MDN1: variants seen among roughly 807,000 people sequenced by gnomAD.
MDN1 encodes the protein midasin AAA ATPase 1.
Under a neutral mutation model 669.2 loss-of-function variants are expected in MDN1, and 266 were observed. That is an observed-to-expected ratio of 0.40 (90% confidence interval 0.36 to 0.44). The LOEUF is 0.44. MDN1 is among the 20% of genes least tolerant of loss of function. The pLI is 1.00. For missense variants in MDN1, 5,940 were observed against 6,754.0 expected, an observed-to-expected ratio of 0.88 and a Z score of 4.22; for synonymous variants, 2,385 against 2,457.1, an observed-to-expected ratio of 0.97 and a Z score of 0.87.
chr6:89,644,389 C>T (rs1333367340), intron 101 of MDN1, among the ~76,000 whole-genome samples, 196 bp from the exon 102 acceptor site: 1 of 152,084 alleles, frequency 6.6e-6, no homozygotes, highest in Non-Finnish European at 1.5e-5. Flanking sequence ...TCTGAGTGCC[C>T]CTTCCAGGAG....
Position 89,674,462 on chromosome 6 carries a change from A to C in MDN1, c.12889T>G (p.Cys4297Gly). Residue 4297 changes from cysteine to glycine, a missense_variant, in exon 79 of 102, where the codon TGC (cysteine) becomes GGC (glycine). Physicochemically the swap from Cys to Gly is radical, Grantham distance 159. Coordinates refer to ENST00000369393, the MANE Select transcript of MDN1 (RefSeq NM_014611.3). ...GAGAGCTGCTCAAGCAGGATCTGGC[A>C]CTGCATGGCCAGGTGCTGCAGGCGC... ...TERLQHLAMQCQILLEQLSWL... is the reference protein window; with the variant it reads ...TERLQHLAMQGQILLEQLSWL... 1 of 1,613,866 alleles carries C rather than the reference A, an allele frequency of 6.2e-7. No individual in the cohort carries two copies. The highest frequency in any genetic ancestry group is 1.7e-5 in the Admixed American group (1 of 60,008).
At chr6:89,793,995 GA>G (rs758448995) in intron 4 of MDN1, 41 bp from the exon 5 acceptor site, 4 of 1,531,668 alleles carry the variant, frequency 2.6e-6, no homozygotes, top group Non-Finnish European at 3.6e-6. Flanking sequence ...TTACCACTCA[GA>G]AATGCTATCG....
At chr6:89,658,122 A>G in intron 90 of MDN1, 87 bp downstream of exon 90, 1 of 1,510,668 alleles carries the variant, frequency 6.6e-7, no homozygotes, top group Non-Finnish European at 9.0e-7. Flanking sequence ...ACATAAACCA[A>G]CTAATGCTAC....
chr6:89,672,323 G>C lies in MDN1; in HGVS notation c.13671C>G (p.Leu4557=). ...CATCGGCCCAGAAGTCATCCTCTAA[G>C]AGTTTTGTTAGATGTCCTGATTGCA... ...ERLQSGHLTK[L]LEDDFWADVS... Residue 4557 remains leucine (L), a synonymous_variant, in exon 82 of 102, where the codon CTC becomes CTG. Transcript: ENST00000369393. The C allele has an allele frequency of 1.2e-6, 2 of 1,612,530 alleles. No homozygotes were observed. Among genetic ancestry groups the C allele is most frequent in the Non-Finnish European group, 1.7e-6 (2 of 1,179,688 alleles).
chr6:89,722,568 G>C (rs1190692054), intron 40 of MDN1, among the ~76,000 whole-genome samples: 3 of 152,222 alleles, frequency 2.0e-5, no homozygotes, highest in Non-Finnish European at 4.4e-5. Flanking sequence ...AGGCTTGCTA[G>C]CCGGGCGTGG....
intron 71 of MDN1, among the ~76,000 whole-genome samples, 192 bp downstream of exon 71, chr6:89,684,684 C>G (rs1407732197): frequency 1.3e-5 from 2 of 152,228 alleles, no homozygotes; most frequent in African/African-American, 4.8e-5. Context: ...CCACCAATCG[C>G]TCACACACTC....
At chr6:89,722,408 G>A (rs973126263) in intron 40 of MDN1, among the ~76,000 whole-genome samples, 2 of 152,170 alleles carry the variant, frequency 1.3e-5, no homozygotes, top group Admixed American at 6.5e-5. Flanking sequence ...CTACTGGAGG[G>A]CAATACTGCT....
At chr6:89,714,441 T>C (rs1454541739) in intron 46 of MDN1, 102 bp downstream of exon 46, 2 of 1,065,426 alleles carry the variant, frequency 1.9e-6, no homozygotes, top group Non-Finnish European at 2.7e-6. Context: ...ATAATTTCTA[T>C]ATACACTAAA....
chr6:89,762,552 G>A (rs370486450), intron 15 of MDN1, 22 bp from the exon 16 acceptor site: 67 of 1,558,412 alleles, frequency 4.3e-5, no homozygotes, highest in East Asian at 4.1e-4. Context: ...ACAGGTAAAT[G>A]TGATTCACAA....
rs1168606501 is a variant in MDN1 at position 89,670,139 on chromosome 6, CATATAT to C, written c.13956+774_13956+779del. On this transcript the variant is annotated intron_variant, in intron 83 of 101. Transcript: ENST00000369393. ...TTTGGAGACTCTGTCTCCAAAAAAA[CATATAT>C]ATATATATATATATATATATATATA... Among the ~76,000 whole-genome samples the C allele has an allele frequency of 9.1e-3, 442 of 48,808 alleles. 7 individuals are homozygous for C. Among genetic ancestry groups the C allele is most frequent in the African/African-American group, 0.016 (118 of 7,546 alleles). 32.0% of individuals were successfully genotyped at this position (48,808 alleles called of 152,430 possible).
At chr6:89,730,628 TA>T in intron 35 of MDN1, 97 bp downstream of exon 35, 2 of 903,328 alleles carry the variant, frequency 2.2e-6, no homozygotes, top group South Asian at 1.7e-5. Flanking sequence ...AGTGCAAATA[TA>T]ATCATGAGTA....
intron 2 of MDN1, among the ~76,000 whole-genome samples, chr6:89,800,380 T>C (rs964213893): frequency 1.3e-5 from 2 of 151,918 alleles, no homozygotes; most frequent in Non-Finnish European, 2.9e-5. Flanking sequence ...TGAGCCAAGA[T>C]TGCACCACTG....
rs1345409660 is a variant in MDN1, at chr6:89,694,243, CA to C, written c.9772-61del. The C allele has an allele frequency of 3.5e-6, 5 of 1,412,636 alleles. No individual in the cohort carries two copies. In the East Asian group the frequency reaches 1.1e-4, roughly 32 times the overall value. The allele number at this position is 1,412,636 out of a possible 1,614,324, so 87.5% of individuals were successfully genotyped here. On this transcript the variant is annotated intron_variant, in intron 61 of 101. Transcript: ENST00000369393. ...CCAGCTATGACCATGCACATGAGGA[CA>C]ATGTCCTGGGGACACGTAGAGGAAC...
intron 15 of MDN1, among the ~76,000 whole-genome samples, chr6:89,768,031 C>A (rs772044150): frequency 6.6e-6 from 1 of 151,338 alleles, no homozygotes; most frequent in South Asian, 2.1e-4. Context: ...GACAGAGACC[C>A]TGTCTCAAAA....
intron 1 of MDN1, among the ~76,000 whole-genome samples, chr6:89,817,789 T>C (rs1768940644): frequency 1.3e-5 from 2 of 152,034 alleles, no homozygotes; most frequent in South Asian, 4.1e-4. Context: ...ACAACCAGTC[T>C]GGGGCAGGGT....
In MDN1 at chr6:89,789,872, C is replaced by T; in HGVS notation, c.1138G>A (p.Glu380Lys). The change falls in exon 7 of 102, where the codon GAG becomes AAG. Residue 380 changes from glutamate to lysine, a missense_variant. Transcript: ENST00000369393. Reference protein sequence around the residue: ...GMYRCTDVPGEFVWQPGTLTQ... With the variant: ...GMYRCTDVPGKFVWQPGTLTQ... ...AGGGTGCCAGGCTGCCACACAAACTCTCCAGGAACATCTGTGCAGCGATAC... is the reference window on the plus strand; with the variant it reads ...AGGGTGCCAGGCTGCCACACAAACTTTCCAGGAACATCTGTGCAGCGATAC... 6.2e-7 allele frequency: 1 copy of T among 1,614,072 alleles called. No individual in the cohort carries two copies. The highest frequency in any genetic ancestry group is 8.5e-7 in the Non-Finnish European group (1 of 1,180,010).
intron 55 of MDN1, 121 bp downstream of exon 55, chr6:89,701,437 C>G: frequency 7.5e-7 from 1 of 1,326,094 alleles, no homozygotes. Flanking sequence ...CAAAGGAAAA[C>G]TGCAAGAGTT....
At chr6:89,697,690 TC>T (rs1216670396) in intron 59 of MDN1, among the ~76,000 whole-genome samples, 1 of 151,824 alleles carries the variant, frequency 6.6e-6, no homozygotes, top group Non-Finnish European at 1.5e-5. Flanking sequence ...CAAGCGATTC[TC>T]CTGACTCAGC....
intron 34 of MDN1, among the ~76,000 whole-genome samples, chr6:89,731,197 A>T (rs1299788745): frequency 6.6e-6 from 1 of 152,218 alleles, no homozygotes; most frequent in Middle Eastern, 3.2e-3. Flanking sequence ...TGGCACTAGT[A>T]ACCATTTTTA....
Sources: gnomAD v4.1 joint callset for allele counts (sites outside exome capture counted in the v4.1 genomes callset) on GRCh38, gnomAD v4.1.1 for gene constraint, MANE v1.5 for transcripts, NCBI Gene and HGNC (gene_info 2026-07-23, HGNC 2026-07-21) for gene names.